Variants in WDR20 observed in about 807,000 individuals in gnomAD.
WDR20 encodes WD repeat-containing protein 20.
WDR20 carries 3 observed loss-of-function variants against 38.7 expected under a neutral mutation model. The observed-to-expected ratio is 0.08, with a 90% CI of 0.04 to 0.20. The LOEUF (loss-of-function observed/expected upper bound fraction) is 0.20. Ranked by LOEUF, WDR20 falls within the 10% of genes least tolerant of loss-of-function variation. WDR20 has a pLI of 1.00. For missense variants in WDR20, 559 were observed against 727.7 expected (o/e 0.77, Z 2.67); for synonymous variants, 298 against 285.6 (o/e 1.04, Z -0.44).
intron 1 of WDR20, among the ~76,000 whole-genome samples, chr14:102,148,279 C>T (rs1166694849): frequency 6.6e-6 from 1 of 152,112 alleles, no homozygotes; most frequent in East Asian, 1.9e-4. Context: ...TACCTTGGCT[C>T]TTGCCCTTAA....
At position 102,139,993 on chromosome 14, in the gene WDR20, T is replaced by C; in HGVS notation, c.70T>C (p.Tyr24His). The change falls in exon 1 of 3, where the codon TAC becomes CAC. Residue 24 changes from tyrosine (Y) to histidine (H), a missense_variant. By Grantham distance (83) the Tyr-to-His change is moderately conservative. Transcript: ENST00000342702. ...KTQFTTREGL[Y>H]KLLPHSEYSR... ...CCAATTCACCACCCGGGAAGGTCTG[T>C]ACAAGCTGCTGCCGCACTCGGAGTA... The C allele has an allele frequency of 6.2e-7, 1 of 1,614,208 alleles. No individual in the cohort carries two copies. The highest frequency in any genetic ancestry group is 8.5e-7 in the Non-Finnish European group (1 of 1,180,030).
chr14:102,222,333 C>A lies in WDR20; in HGVS notation c.1693-497C>A, dbSNP rs1168169827. The stretch of plus-strand genomic sequence containing the variant: ...CCAGGGGGTGCCACGGTCACACCAC[C>A]CAACAAAGCAAGAACCCCCCAGCAG... On this transcript the variant is annotated intron_variant, in intron 3 of 3. Transcript: ENST00000335263. The surrounding 1 kb of genome is among the most constrained non-coding windows in gnomAD (Gnocchi z 4.4). Among the ~76,000 whole-genome samples the A allele has an allele frequency of 1.3e-5, 2 of 152,222 alleles. No homozygotes were observed. Among genetic ancestry groups the A allele is most frequent in the East Asian group, 3.8e-4 (2 of 5,198 alleles).
At chr14:102,143,108 G>A (rs1399067502) in intron 1 of WDR20, among the ~76,000 whole-genome samples, 1 of 152,018 alleles carries the variant, frequency 6.6e-6, no homozygotes, top group Non-Finnish European at 1.5e-5. Context: ...TCCTCAGAGC[G>A]AACCAAGGCC....
At chr14:102,200,467 T>TTTTTTTTGTGTG (rs748066838) in intron 2 of WDR20, among the ~76,000 whole-genome samples, 4 of 117,688 alleles carry the variant, frequency 3.4e-5, no homozygotes, top group African/African-American at 9.4e-5. Flanking sequence ...ATTTTTTTTT[T>TTTTTTTTGTGTG]TGTGTGTGTG....
intron 2 of WDR20, among the ~76,000 whole-genome samples, chr14:102,202,475 A>C (rs1189097437): frequency 7.3e-6 from 1 of 137,688 alleles, no homozygotes; most frequent in African/African-American, 2.8e-5. Context: ...CTGCCTCCCG[A>C]GTTCACACCA....
downstream of WDR20, among the ~76,000 whole-genome samples, chr14:102,215,298 C>T (rs1349945187): frequency 6.6e-6 from 1 of 152,176 alleles, no homozygotes; most frequent in Non-Finnish European, 1.5e-5. Flanking sequence ...GTAGAGGCTT[C>T]TGTTTAATGA....
intron 1 of WDR20, among the ~76,000 whole-genome samples, chr14:102,182,397 CTCCT>C (rs537508371): frequency 1.8e-3 from 277 of 152,322 alleles, no homozygotes; most frequent in African/African-American, 6.3e-3. Flanking sequence ...CCTGGCCTCT[CTCCT>C]CTCATTGAGT....
At chr14:102,218,521 G>C (rs773476876), downstream of WDR20, among the ~76,000 whole-genome samples, 1 of 152,220 alleles carries the variant, frequency 6.6e-6, no homozygotes, top group Non-Finnish European at 1.5e-5. Context: ...ACATGGCCTT[G>C]CTGCTTTATT....
At chr14:102,147,388 A>G (rs116902623) in intron 1 of WDR20, among the ~76,000 whole-genome samples, 2,450 of 152,302 alleles carry the variant, frequency 0.016, 36 homozygotes, top group Non-Finnish European at 0.028. Flanking sequence ...GACCTTCCCA[A>G]AAAAGGAGGA....
At chr14:102,177,695 T>C (rs768653166) in intron 1 of WDR20, among the ~76,000 whole-genome samples, 12 of 152,174 alleles carry the variant, frequency 7.9e-5, no homozygotes, top group Non-Finnish European at 1.3e-4. Flanking sequence ...AGGTGATTGA[T>C]ATAAGGAAAG....
At position 102,194,779 on chromosome 14, in the gene WDR20, T is replaced by C. The variant is rs182992103; in HGVS notation, c.250-159T>C. Among the ~76,000 whole-genome samples, 21 of 152,344 alleles carry C rather than the reference T, an allele frequency of 1.4e-4. No individual in the cohort carries two copies. The East Asian group carries it at 4.1e-3, about 29-fold the overall frequency. ...ATTGGCTAAGGTATGTGAAAGTGCTTTTATAAAATGTTAGATGATGTTAAG... is the reference window on the plus strand; with the variant it reads ...ATTGGCTAAGGTATGTGAAAGTGCTCTTATAAAATGTTAGATGATGTTAAG... On this transcript the variant is annotated intron_variant, in intron 1 of 2. Coordinates refer to ENST00000342702, the MANE Select transcript of WDR20 (RefSeq NM_144574.4).
intron 1 of WDR20, chr14:102,167,558 G>A (rs2060010057): frequency 6.6e-6 from 1 of 152,210 alleles, no homozygotes; most frequent in African/African-American, 2.4e-5. Context: ...TGCCTGGAAT[G>A]TGCTTCTATT....
intron 1 of WDR20, among the ~76,000 whole-genome samples, chr14:102,174,049 A>G (rs1360182475): frequency 2.6e-5 from 4 of 152,030 alleles, no homozygotes; most frequent in Non-Finnish European, 1.5e-5. Context: ...ATCTCAAAAA[A>G]AAAAAAAAAA....
rs554522511 is a variant in WDR20, at chr14:102,164,854, T to G, written c.249+24682T>G. 9.2e-5 allele frequency among the ~76,000 whole-genome samples: 14 copies of G among 152,364 alleles called. No homozygotes were observed. In the South Asian group the frequency reaches 1.9e-3, roughly 20 times the overall value. On this transcript the variant is annotated intron_variant, in intron 1 of 2. Coordinates refer to ENST00000342702, the MANE Select transcript of WDR20 (RefSeq NM_144574.4). ...TTTCTGCTATATCAGAAGTCATATTTCCTTTTTGTTCCTAAAATTGTTTCT... is the reference window on the plus strand; with the variant it reads ...TTTCTGCTATATCAGAAGTCATATTGCCTTTTTGTTCCTAAAATTGTTTCT...
At chr14:102,157,655 T>C (rs1439061894) in intron 1 of WDR20, among the ~76,000 whole-genome samples, 1 of 152,020 alleles carries the variant, frequency 6.6e-6, no homozygotes, top group East Asian at 1.9e-4. Context: ...TTTAATAAGG[T>C]GTCATTTGAA....
At chr14:102,174,949 C>G (rs766358055) in intron 1 of WDR20, among the ~76,000 whole-genome samples, 1 of 152,004 alleles carries the variant, frequency 6.6e-6, no homozygotes, top group Non-Finnish European at 1.5e-5. Flanking sequence ...CTTATAGATT[C>G]TAGATATTAG....
At chr14:102,212,845 T>G, downstream of WDR20, 2 of 1,289,890 alleles carry the variant, frequency 1.6e-6, no homozygotes, top group South Asian at 1.9e-5. Context: ...CTAAACGTTA[T>G]TATGAGCAAG....
chr14:102,156,575 C>T (rs560500926), intron 1 of WDR20, among the ~76,000 whole-genome samples: 22 of 151,358 alleles, frequency 1.5e-4, no homozygotes, highest in East Asian at 1.2e-3. Flanking sequence ...TTTTGGAAAC[C>T]GGGTCTCACT....
chr14:102,157,440 T>G (rs1012195742), intron 1 of WDR20: 6 of 152,174 alleles, frequency 3.9e-5, no homozygotes, highest in African/African-American at 1.4e-4. Context: ...CTTGTGGTAC[T>G]TTCACTCAGC....
Sources: allele counts gnomAD v4.1 joint callset (sites outside exome capture counted in the v4.1 genomes callset), GRCh38; gene constraint gnomAD v4.1.1; non-coding constraint Gnocchi (gnomAD v3.1); transcripts MANE v1.5; gene names NCBI Gene and HGNC (gene_info 2026-07-23, HGNC 2026-07-21).